The following MAN2A1 variants were observed in gnomAD, a reference collection of about 807,000 sequenced individuals.
MAN2A1 encodes alpha-mannosidase 2.
A neutral mutation model predicts 142.6 loss-of-function variants in MAN2A1; 76 were observed. The observed-to-expected ratio is 0.53, with a 90% CI of 0.44 to 0.65. The LOEUF (loss-of-function observed/expected upper bound fraction) is 0.65. MAN2A1 is among the 30% of genes least tolerant of loss of function. The pLI, the probability that MAN2A1 is intolerant of heterozygous loss-of-function variation, is 0.00. For missense variants in MAN2A1, 1,311 were observed against 1,365.1 expected (o/e 0.96, Z 0.62); for synonymous variants, 559 against 473.2 (o/e 1.18, Z -2.35).
chr5:109,849,881 GTGTC>G (rs1755441100), intron 19 of MAN2A1, among the ~76,000 whole-genome samples: 1 of 152,062 alleles, frequency 6.6e-6, no homozygotes, highest in Non-Finnish European at 1.5e-5. Flanking sequence ...GCCTTTTACT[GTGTC>G]TGCTTTAGGC....
chr5:109,825,939 C>G (rs1230279690), intron 16 of MAN2A1, among the ~76,000 whole-genome samples: 3 of 120,186 alleles, frequency 2.5e-5, no homozygotes, highest in African/African-American at 9.5e-5. Context: ...CAGAGTCTCG[C>G]TCTATCGCCC....
At chr5:109,735,325 C>T (rs1327694583) in intron 4 of MAN2A1, among the ~76,000 whole-genome samples, 2 of 152,128 alleles carry the variant, frequency 1.3e-5, no homozygotes, top group Non-Finnish European at 2.9e-5. Context: ...ACTCTTTATC[C>T]AATTTTCCAG....
At chr5:109,763,605 G>A (rs1286052378) in intron 5 of MAN2A1, among the ~76,000 whole-genome samples, 1 of 151,908 alleles carries the variant, frequency 6.6e-6, no homozygotes, top group African/African-American at 2.4e-5. Context: ...TGCCATGCTG[G>A]TGTGCTGCAC....
At chr5:109,768,921 T>C (rs778469401) in intron 6 of MAN2A1, among the ~76,000 whole-genome samples, 15 of 152,268 alleles carry the variant, frequency 9.9e-5, no homozygotes, top group Non-Finnish European at 1.9e-4. Context: ...AGTACTTTTA[T>C]GTATTTCAGT....
At chr5:109,732,589 A>G (rs1751948685) in intron 4 of MAN2A1, among the ~76,000 whole-genome samples, 1 of 152,022 alleles carries the variant, frequency 6.6e-6, no homozygotes, top group Admixed American at 6.5e-5. Context: ...ATGGCTAGCC[A>G]GTTTTGCCAG....
intron 4 of MAN2A1, among the ~76,000 whole-genome samples, chr5:109,735,393 G>C (rs1211077758): frequency 6.6e-6 from 1 of 152,182 alleles, no homozygotes; most frequent in Non-Finnish European, 1.5e-5. Context: ...ATATTGTTAT[G>C]TGTGAATTTG....
At chr5:109,863,824 A>G (rs1249854810) in intron 20 of MAN2A1, 1 of 152,222 alleles carries the variant, frequency 6.6e-6, no homozygotes, top group East Asian at 1.9e-4. Context: ...CATATGATTT[A>G]AAATTGCTGT....
intron 15 of MAN2A1, among the ~76,000 whole-genome samples, chr5:109,820,920 A>T (rs184737766): frequency 6.6e-6 from 1 of 152,232 alleles, no homozygotes; most frequent in Non-Finnish European, 1.5e-5. Flanking sequence ...GGAGCTTTAT[A>T]TGTATGCATT....
chr5:109,698,360 A>C (rs1750873990), intron 1 of MAN2A1, among the ~76,000 whole-genome samples: 1 of 152,078 alleles, frequency 6.6e-6, no homozygotes, highest in South Asian at 2.1e-4. Flanking sequence ...CATTTTCTTC[A>C]CTTTTAAAGA....
chr5:109,848,304 A>G (rs1007737010), intron 19 of MAN2A1, among the ~76,000 whole-genome samples: 3 of 152,172 alleles, frequency 2.0e-5, no homozygotes, highest in African/African-American at 7.2e-5. Flanking sequence ...TGGTCTGGCA[A>G]AAGCCCAGCT....
chr5:109,743,893 A>AT (rs1752334754), intron 4 of MAN2A1, among the ~76,000 whole-genome samples: 1 of 152,066 alleles, frequency 6.6e-6, no homozygotes, highest in Non-Finnish European at 1.5e-5. Context: ...TTTCTGTCTG[A>AT]TTCCTCCCGA....
chr5:109,812,461 A>G (rs768734439), intron 12 of MAN2A1, among the ~76,000 whole-genome samples: 1 of 152,156 alleles, frequency 6.6e-6, no homozygotes, highest in African/African-American at 2.4e-5. Context: ...TCAAATCTAG[A>G]TATTGCAACT....
chr5:109,766,366 G>A (rs1003287199), intron 5 of MAN2A1, among the ~76,000 whole-genome samples: 9 of 152,146 alleles, frequency 5.9e-5, no homozygotes, highest in Non-Finnish European at 1.0e-4. Context: ...ATTTTTGGAT[G>A]TAAATTACAT....
chr5:109,760,354 G>A (rs1361532009), intron 5 of MAN2A1, among the ~76,000 whole-genome samples: 1 of 152,138 alleles, frequency 6.6e-6, no homozygotes, highest in Non-Finnish European at 1.5e-5. Flanking sequence ...TGGTGTATAT[G>A]TGCCATATTT....
Position 109,789,487 on chromosome 5 carries a change from C to G in MAN2A1, c.1903C>G (p.Leu635Val), listed in dbSNP as rs374881334. The change falls in exon 12 of 22, where the codon CTG becomes GTG. Residue 635 changes from leucine to valine, a missense_variant. Physicochemically the swap from Leu to Val is conservative, Grantham distance 32. This residue lies in a region of MAN2A1 where 890 missense variants were observed against 920.5 expected (regional missense o/e 0.97). Coordinates refer to ENST00000261483, the MANE Select transcript of MAN2A1 (RefSeq NM_002372.4). ...TTTGAAACAAAAATCACAAGATTCTCTGCCACAAAAAAATATAATAAGGCT... is the reference window on the plus strand; with the variant it reads ...TTTGAAACAAAAATCACAAGATTCTGTGCCACAAAAAAATATAATAAGGCT... ...MDLKQKSQDS[L>V]PQKNIIRLSA... 48 of 1,588,908 alleles carry G rather than the reference C, an allele frequency of 3.0e-5. No homozygotes were observed. In the African/African-American group the frequency reaches 4.6e-4, roughly 15 times the overall value.
intron 6 of MAN2A1, among the ~76,000 whole-genome samples, chr5:109,769,277 A>G (rs1308270390): frequency 1.3e-5 from 2 of 152,208 alleles, no homozygotes; most frequent in African/African-American, 4.8e-5. Context: ...ATAACAGTTA[A>G]CTAAATTGAT....
chr5:109,838,980 A>G (rs1755127235), intron 16 of MAN2A1, among the ~76,000 whole-genome samples: 1 of 152,226 alleles, frequency 6.6e-6, no homozygotes, highest in Admixed American at 6.5e-5. Flanking sequence ...TACATGAATT[A>G]AAATTAATGA....
At chr5:109,847,148 C>G (rs920734845) in intron 18 of MAN2A1, among the ~76,000 whole-genome samples, 2 of 152,156 alleles carry the variant, frequency 1.3e-5, no homozygotes, top group African/African-American at 4.8e-5. Context: ...TTGAGCCACT[C>G]ATTTTTAAAC....
intron 8 of MAN2A1, among the ~76,000 whole-genome samples, chr5:109,775,247 A>T (rs1753252097): frequency 6.6e-6 from 1 of 152,018 alleles, no homozygotes; most frequent in African/African-American, 2.4e-5. Context: ...GTCTTCAGGG[A>T]CTTACTGTTT....
Sources: gnomAD v4.1 joint callset for allele counts (sites outside exome capture counted in the v4.1 genomes callset) on GRCh38, gnomAD v4.1.1 for gene constraint, gnomAD v4.1.1 regional missense constraint, MANE v1.5 for transcripts, NCBI Gene and HGNC (gene_info 2026-07-23, HGNC 2026-07-21) for gene names.